The following SLC2A13 variants were observed in gnomAD, a reference collection of about 807,000 sequenced individuals.
SLC2A13 encodes the protein solute carrier family 2 member 13.
In SLC2A13, 32 loss-of-function variants were observed where a neutral mutation model predicts 64.4. The observed-to-expected ratio is 0.50, with a 90% CI of 0.37 to 0.67. The LOEUF (loss-of-function observed/expected upper bound fraction) is 0.67. SLC2A13 is among the 30% of genes least tolerant of loss of function. The pLI is 0.00. For missense variants in SLC2A13, 743 were observed against 829.2 expected, an observed-to-expected ratio of 0.90 and a Z score of 1.28; for synonymous variants, 338 against 327.1, an observed-to-expected ratio of 1.03 and a Z score of -0.36.
intron 4 of SLC2A13, among the ~76,000 whole-genome samples, chr12:39,886,545 T>C (rs1944470919): frequency 1.3e-5 from 2 of 152,070 alleles, no homozygotes; most frequent in Admixed American, 1.3e-4. Context: ...CACCGAGAAG[T>C]ATTGAACCAT....
chr12:40,089,946 T>C (rs1440705277), intron 1 of SLC2A13, among the ~76,000 whole-genome samples: 2 of 152,122 alleles, frequency 1.3e-5, no homozygotes, highest in Admixed American at 6.5e-5. Context: ...AGAGACCTTC[T>C]GGGCCCACTT....
At chr12:39,831,712 A>T (rs1942855592) in intron 6 of SLC2A13, among the ~76,000 whole-genome samples, 1 of 152,020 alleles carries the variant, frequency 6.6e-6, no homozygotes, top group African/African-American at 2.4e-5. Flanking sequence ...TGATGAGTGA[A>T]TTCTCACTCA....
intron 1 of SLC2A13, among the ~76,000 whole-genome samples, chr12:40,093,438 A>G (rs1337778412): frequency 6.6e-6 from 1 of 152,244 alleles, no homozygotes; most frequent in African/African-American, 2.4e-5. Context: ...TGGAACAGCA[A>G]TAAACAAAAC....
intron 7 of SLC2A13, among the ~76,000 whole-genome samples, chr12:39,783,671 T>C (rs1187249703): frequency 6.6e-6 from 1 of 152,216 alleles, no homozygotes; most frequent in African/African-American, 2.4e-5. Flanking sequence ...ATGTCTTCTT[T>C]TGAGAAGTGT....
intron 7 of SLC2A13, among the ~76,000 whole-genome samples, chr12:39,792,566 T>C (rs1941440430): frequency 6.6e-6 from 1 of 152,170 alleles, no homozygotes; most frequent in Admixed American, 6.5e-5. Flanking sequence ...ATACTAAGCC[T>C]CTGCCAGGTG....
Position 40,105,784 on chromosome 12 carries a change from C to T in SLC2A13, c.25G>A (p.Val9Met). The T allele has an allele frequency of 6.7e-7, 1 of 1,486,536 alleles. No individual in the cohort carries two copies. Among genetic ancestry groups the T allele is most frequent in the Non-Finnish European group, 8.9e-7 (1 of 1,118,560 alleles). The allele number at this position is 1,486,536 out of a possible 1,614,324, so 92.1% of individuals were successfully genotyped here. The change falls in exon 1 of 10, where the codon GTG becomes ATG. Residue 9 changes from valine to methionine, a missense_variant. By Grantham distance (21) the Val-to-Met change is conservative. This residue lies in a region of SLC2A13 where 448 missense variants were observed against 447.4 expected (regional missense o/e 1.00). Transcript: ENST00000280871. The surrounding 1 kb of genome is among the most constrained non-coding windows in gnomAD (Gnocchi z 4.2). MSRKASEN[V>M]EYTLRSLSSL... ...CTCAGGCTCCGCAGCGTGTACTCCACATTCTCGCTTGCCTTGCGGGACATA... is the reference window on the plus strand; with the variant it reads ...CTCAGGCTCCGCAGCGTGTACTCCATATTCTCGCTTGCCTTGCGGGACATA...
chr12:40,007,077 T>C (rs1165709444), intron 3 of SLC2A13, among the ~76,000 whole-genome samples: 1 of 152,194 alleles, frequency 6.6e-6, no homozygotes. Context: ...TTTCTTTCTT[T>C]CTTACTAAAG....
rs63699664 is a variant in SLC2A13 at position 39,826,854 on chromosome 12, A to ATTTTTTT, written c.1445+3242_1445+3248dup. 2.5e-4 allele frequency among the ~76,000 whole-genome samples: 17 copies of ATTTTTTT among 67,388 alleles called. 4 individuals carry two copies. Among genetic ancestry groups the ATTTTTTT allele is most frequent in the Non-Finnish European group, 3.3e-4 (13 of 39,584 alleles). 44.2% of individuals were successfully genotyped at this position (67,388 alleles called of 152,430 possible). On this transcript the variant is annotated intron_variant, in intron 7 of 9. Transcript: ENST00000280871. ...TTTATTTCTTTTAAAGTCTCTTTCA[A>ATTTTTTT]TTTTTTTTTTTTTTTTTTGCAATGC...
intron 3 of SLC2A13, among the ~76,000 whole-genome samples, chr12:39,996,688 G>A (rs1363317146): frequency 1.3e-5 from 2 of 152,178 alleles, no homozygotes; most frequent in African/African-American, 4.8e-5. Context: ...TTCGGGCCGT[G>A]GCTTCAGAGG....
chr12:39,895,167 C>A (rs950294069), intron 4 of SLC2A13, among the ~76,000 whole-genome samples: 1 of 152,052 alleles, frequency 6.6e-6, no homozygotes, highest in Non-Finnish European at 1.5e-5. Flanking sequence ...CTGTGCCCAG[C>A]CAGAACCCTG....
intron 1 of SLC2A13, among the ~76,000 whole-genome samples, chr12:40,101,334 T>C (rs1372632753): frequency 6.6e-6 from 1 of 152,194 alleles, no homozygotes; most frequent in Non-Finnish European, 1.5e-5. Flanking sequence ...TACTATACAA[T>C]TCATTTAATA....
intron 1 of SLC2A13, among the ~76,000 whole-genome samples, chr12:40,092,323 T>A (rs1260026098): frequency 2.0e-5 from 3 of 152,200 alleles, no homozygotes; most frequent in African/African-American, 7.2e-5. Flanking sequence ...TTAAGACCAG[T>A]GTTTTAATTA....
intron 2 of SLC2A13, among the ~76,000 whole-genome samples, chr12:40,038,927 T>C (rs777521061): frequency 1.5e-5 from 2 of 131,870 alleles, no homozygotes; most frequent in Non-Finnish European, 3.3e-5. Context: ...GTTCTATCGT[T>C]GTTAAAAAAA....
At chr12:39,818,629 G>A (rs979552843) in intron 7 of SLC2A13, among the ~76,000 whole-genome samples, 8 of 152,130 alleles carry the variant, frequency 5.3e-5, no homozygotes, top group Admixed American at 2.6e-4. Flanking sequence ...TCTGTTTCAA[G>A]TGTGTCTAAC....
intron 4 of SLC2A13, among the ~76,000 whole-genome samples, chr12:39,920,275 A>T (rs1461899954): frequency 1.3e-5 from 2 of 152,128 alleles, no homozygotes; most frequent in African/African-American, 2.4e-5. Flanking sequence ...GTAATAAGAG[A>T]CTGCGAATTT....
intron 2 of SLC2A13, among the ~76,000 whole-genome samples, chr12:40,041,047 G>A (rs962412125): frequency 4.6e-5 from 7 of 151,956 alleles, no homozygotes; most frequent in East Asian, 1.9e-4. Flanking sequence ...TCTGCCTCCC[G>A]GGTTCAAGCA....
At chr12:39,838,627 AAG>A (rs1212499465) in intron 6 of SLC2A13, among the ~76,000 whole-genome samples, 3 of 152,078 alleles carry the variant, frequency 2.0e-5, no homozygotes, top group African/African-American at 7.2e-5. Flanking sequence ...TAAAGTAAAA[AAG>A]AGCAGGACAA....
At chr12:39,957,455 G>T (rs149010924) in intron 3 of SLC2A13, among the ~76,000 whole-genome samples, 7 of 152,022 alleles carry the variant, frequency 4.6e-5, no homozygotes, top group Admixed American at 2.0e-4. Flanking sequence ...TGCTCCTTAC[G>T]ACTGCAATTC....
chr12:39,935,181 G>A (rs1368091101), intron 4 of SLC2A13, among the ~76,000 whole-genome samples: 2 of 152,136 alleles, frequency 1.3e-5, no homozygotes, highest in Non-Finnish European at 2.9e-5. Context: ...CTTGAGCCCA[G>A]GAGTTTAAGA....
Sources: gnomAD v4.1 joint callset for allele counts (sites outside exome capture counted in the v4.1 genomes callset) on GRCh38, gnomAD v4.1.1 for gene constraint, gnomAD v4.1.1 regional missense constraint, Gnocchi (gnomAD v3.1) non-coding constraint, MANE v1.5 for transcripts, NCBI Gene and HGNC (gene_info 2026-07-23, HGNC 2026-07-21) for gene names.